ENTREP2: variants seen among roughly 807,000 people sequenced by gnomAD.
ENTREP2 encodes the protein endosomal transmembrane epsin interactor 2.
the ENTREP2 span, among the ~76,000 whole-genome samples, chr15:29,599,868 G>C: frequency 2.6e-4 from 39 of 152,290 alleles, no homozygotes; most frequent in Admixed American, 7.2e-4. Context: ...TCCAAGAGCC[G>C]AGCAGCAGCC....
the ENTREP2 span, among the ~76,000 whole-genome samples, chr15:29,370,686 A>G: frequency 6.6e-6 from 1 of 152,188 alleles, no homozygotes; most frequent in South Asian, 2.1e-4. Flanking sequence ...AAATCCTGAT[A>G]TAGTGAGTCT....
At chr15:29,183,573 C>T in the ENTREP2 span, among the ~76,000 whole-genome samples, 5 of 152,204 alleles carry the variant, frequency 3.3e-5, no homozygotes, top group East Asian at 1.9e-4. Context: ...GTGGAATACT[C>T]GCTCAATGCA....
the ENTREP2 span, among the ~76,000 whole-genome samples, chr15:29,156,618 G>A: frequency 1.3e-5 from 2 of 152,136 alleles, no homozygotes; most frequent in Non-Finnish European, 2.9e-5. Context: ...AGGCGGTACC[G>A]GAGAGGAGTC....
At chr15:29,554,733 C>T in the ENTREP2 span, among the ~76,000 whole-genome samples, 1 of 151,708 alleles carries the variant, frequency 6.6e-6, no homozygotes, top group African/African-American at 2.4e-5. Flanking sequence ...TGGCGCTGAG[C>T]CAGGGAAGGG....
At chr15:29,387,821 C>T in the ENTREP2 span, among the ~76,000 whole-genome samples, 1 of 152,262 alleles carries the variant, frequency 6.6e-6, no homozygotes, top group South Asian at 2.1e-4. Context: ...TACCACACAT[C>T]TACAACCATC....
chr15:29,487,842 A>G, the ENTREP2 span, among the ~76,000 whole-genome samples: 1 of 152,152 alleles, frequency 6.6e-6, no homozygotes, highest in African/African-American at 2.4e-5. Context: ...ACAGGCATGC[A>G]CCACCACACC....
the ENTREP2 span, among the ~76,000 whole-genome samples, chr15:29,449,853 T>C: frequency 6.6e-6 from 1 of 152,198 alleles, no homozygotes; most frequent in African/African-American, 2.4e-5. Flanking sequence ...AATCCTAATA[T>C]TTACTTGTAT....
chr15:29,234,474 G>A, the ENTREP2 span: 12 of 1,467,522 alleles, frequency 8.2e-6, no homozygotes, highest in Admixed American at 1.7e-5. Context: ...CCCAGCATTC[G>A]CCTATCATAT....
the ENTREP2 span, among the ~76,000 whole-genome samples, chr15:29,526,943 T>C: frequency 1.3e-5 from 2 of 152,194 alleles, no homozygotes; most frequent in Admixed American, 1.3e-4. Flanking sequence ...ACGATCTCCA[T>C]GCTGTGGAAT....
the ENTREP2 span, among the ~76,000 whole-genome samples, chr15:29,430,987 A>G: frequency 1.3e-5 from 2 of 152,076 alleles, no homozygotes; most frequent in Non-Finnish European, 2.9e-5. Context: ...TAGCTACCCA[A>G]AGCTGGTTTC....
At chr15:29,147,187 A>G in the ENTREP2 span, among the ~76,000 whole-genome samples, 1,213 of 152,348 alleles carry the variant, frequency 8.0e-3, 13 homozygotes, top group African/African-American at 0.028. Context: ...AACTTTTACA[A>G]CTCAGTAATA....
At chr15:29,158,490 C>G in the ENTREP2 span, among the ~76,000 whole-genome samples, 3 of 151,114 alleles carry the variant, frequency 2.0e-5, no homozygotes, top group Non-Finnish European at 4.4e-5. Context: ...ACTGCAACCT[C>G]CACCTCCCGG....
At chr15:29,251,048 C>T in the ENTREP2 span, among the ~76,000 whole-genome samples, 2 of 152,216 alleles carry the variant, frequency 1.3e-5, no homozygotes, top group Non-Finnish European at 2.9e-5. Context: ...CAGAGAGCAG[C>T]AGGCTTTCCA....
chr15:29,554,184 G>A, the ENTREP2 span, among the ~76,000 whole-genome samples: 13 of 151,878 alleles, frequency 8.6e-5, no homozygotes, highest in Admixed American at 2.0e-4. Context: ...GTGGTGGCGC[G>A]TTGCCTGTAA....
At chr15:29,551,032 T>C in the ENTREP2 span, among the ~76,000 whole-genome samples, 2 of 152,300 alleles carry the variant, frequency 1.3e-5, no homozygotes, top group South Asian at 4.1e-4. Context: ...AGCAGGCCAA[T>C]GATGCAATCG....
the ENTREP2 span, among the ~76,000 whole-genome samples, chr15:29,240,852 A>G: frequency 1.3e-5 from 2 of 152,236 alleles, no homozygotes; most frequent in Non-Finnish European, 2.9e-5. Flanking sequence ...AATGTGCTCA[A>G]GCAGTGCCCT....
chr15:29,137,789 T>C, the ENTREP2 span, among the ~76,000 whole-genome samples: 1 of 152,102 alleles, frequency 6.6e-6, no homozygotes, highest in Non-Finnish European at 1.5e-5. Context: ...TGAGCCAAGA[T>C]TGTGCCATTG....
the ENTREP2 span, among the ~76,000 whole-genome samples, chr15:29,654,690 C>A: frequency 6.6e-6 from 1 of 152,152 alleles, no homozygotes; most frequent in Non-Finnish European, 1.5e-5. Flanking sequence ...CCATGGTAAT[C>A]ATTTCAAATA....
the ENTREP2 span, among the ~76,000 whole-genome samples, chr15:29,151,122 A>G: frequency 6.6e-6 from 1 of 151,950 alleles, no homozygotes; most frequent in Non-Finnish European, 1.5e-5. Flanking sequence ...TATTTATGAG[A>G]TGTGTATTTA....
Sources: gnomAD v4.1 joint callset for allele counts (sites outside exome capture counted in the v4.1 genomes callset) on GRCh38, gnomAD v4.1.1 for gene constraint, MANE v1.5 for transcripts, NCBI Gene and HGNC (gene_info 2026-07-23, HGNC 2026-07-21) for gene names.